PPP1R12A: variants seen among roughly 807,000 people sequenced by gnomAD.
The protein encoded by PPP1R12A is protein phosphatase 1 regulatory subunit 12A.
A neutral mutation model predicts 139.6 loss-of-function variants in PPP1R12A; 19 were observed. The observed-to-expected ratio is 0.14, with a 90% CI of 0.09 to 0.20. The LOEUF is 0.20. Ranked by LOEUF, PPP1R12A falls within the 10% of genes least tolerant of loss-of-function variation. The probability of loss-of-function intolerance (pLI) is 1.00; values close to 1 mark genes in which losing one functional copy is unlikely to be tolerated. For missense variants in PPP1R12A, 925 were observed against 1,211.5 expected, an observed-to-expected ratio of 0.76 and a Z score of 3.51; for synonymous variants, 427 against 420.6, an observed-to-expected ratio of 1.02 and a Z score of -0.19.
At chr12:79,835,952 A>T (rs1183445750) in intron 3 of PPP1R12A, among the ~76,000 whole-genome samples, 1 of 152,172 alleles carries the variant, frequency 6.6e-6, no homozygotes, top group Non-Finnish European at 1.5e-5. Flanking sequence ...ACTGCTCATT[A>T]CTCAACTGAA....
intron 1 of PPP1R12A, among the ~76,000 whole-genome samples, chr12:79,924,743 T>C (rs1281633064): frequency 6.6e-6 from 1 of 152,182 alleles, no homozygotes; most frequent in African/African-American, 2.4e-5. Flanking sequence ...CGAAATCTTT[T>C]GCAGAAAACA....
At chr12:79,805,519 CT>C in intron 14 of PPP1R12A, 72 bp downstream of exon 14, 2 of 1,426,252 alleles carry the variant, frequency 1.4e-6, no homozygotes, top group South Asian at 1.4e-5. Context: ...CTCACAAGAT[CT>C]TTTTTAAAAC....
rs959801288 is a variant in PPP1R12A at position 79,775,906 on chromosome 12, A to C, written c.*23T>G. ...CTGGGTTACTAATATGTGCAATTCCATTACTTGCTGCTTTTTTTTTTTTTA... is the reference window on the plus strand; with the variant it reads ...CTGGGTTACTAATATGTGCAATTCCCTTACTTGCTGCTTTTTTTTTTTTTA... On this transcript the variant is annotated 3_prime_UTR_variant, in exon 25 of 25. Coordinates refer to ENST00000450142, the MANE Select transcript of PPP1R12A (RefSeq NM_002480.3). 3.3e-6 allele frequency: 5 copies of C among 1,501,380 alleles called. No homozygotes were observed. The Admixed American group carries it at 1.0e-4, about 30-fold the overall frequency. 93.0% of individuals were successfully genotyped at this position (1,501,380 alleles called of 1,614,324 possible).
At chr12:79,827,818 C>A (rs1372305179) in intron 5 of PPP1R12A, among the ~76,000 whole-genome samples, 1 of 152,096 alleles carries the variant, frequency 6.6e-6, no homozygotes, top group Non-Finnish European at 1.5e-5. Flanking sequence ...CAATGATCCC[C>A]TTTGGCATAA....
At chr12:79,858,502 G>C (rs963159083) in intron 2 of PPP1R12A, among the ~76,000 whole-genome samples, 3 of 152,194 alleles carry the variant, frequency 2.0e-5, no homozygotes, top group Admixed American at 2.0e-4. Context: ...TGGAGGCTTA[G>C]GGAAGCTGGT....
At chr12:79,921,091 T>C (rs1887400013) in intron 1 of PPP1R12A, among the ~76,000 whole-genome samples, 1 of 152,212 alleles carries the variant, frequency 6.6e-6, no homozygotes, top group South Asian at 2.1e-4. Flanking sequence ...AAAATGTGTC[T>C]TCTCAGCACT....
chr12:79,776,371 CAA>C (rs1869726480), intron 24 of PPP1R12A, among the ~76,000 whole-genome samples: 2 of 152,030 alleles, frequency 1.3e-5, no homozygotes, highest in Non-Finnish European at 2.9e-5. Flanking sequence ...GCACCTAAAC[CAA>C]AGACTTTTGC....
chr12:79,851,227 C>T (rs957855337), intron 2 of PPP1R12A, among the ~76,000 whole-genome samples: 2 of 152,106 alleles, frequency 1.3e-5, no homozygotes, highest in South Asian at 2.1e-4. Context: ...GAACATTACA[C>T]TATTCAGAAA....
chr12:79,804,249 T>G (rs1000624756), intron 14 of PPP1R12A, among the ~76,000 whole-genome samples: 1 of 152,046 alleles, frequency 6.6e-6, no homozygotes, highest in African/African-American at 2.4e-5. Flanking sequence ...GGATACTAAT[T>G]TCTGTTGGCT....
At chr12:79,896,630 T>C (rs950956531) in intron 1 of PPP1R12A, among the ~76,000 whole-genome samples, 1 of 152,176 alleles carries the variant, frequency 6.6e-6, no homozygotes, top group African/African-American at 2.4e-5. Flanking sequence ...CTGAGGCCAG[T>C]GCAAAATATA....
At chr12:79,860,901 G>A (rs1881240051) in intron 2 of PPP1R12A, among the ~76,000 whole-genome samples, 2 of 152,104 alleles carry the variant, frequency 1.3e-5, no homozygotes, top group African/African-American at 4.8e-5. Flanking sequence ...TCAGTGTAAC[G>A]TATGTGTAAT....
intron 1 of PPP1R12A, among the ~76,000 whole-genome samples, chr12:79,927,892 A>C (rs1887965061): frequency 6.6e-6 from 1 of 152,168 alleles, no homozygotes; most frequent in South Asian, 2.1e-4. Context: ...CATCTTCTCA[A>C]CCTTATTGTG....
chr12:79,911,602 GTTTTT>G (rs373594794), intron 1 of PPP1R12A, among the ~76,000 whole-genome samples: 1 of 150,776 alleles, frequency 6.6e-6, no homozygotes, highest in African/African-American at 2.4e-5. Context: ...GAAATAAAAG[GTTTTT>G]TTTTAAGACT....
At chr12:79,807,039 G>A in intron 12 of PPP1R12A, 187 bp downstream of exon 12, 6 of 411,470 alleles carry the variant, frequency 1.5e-5, no homozygotes, top group South Asian at 3.8e-5. Context: ...TATATAATAG[G>A]CATAACAAAT....
intron 1 of PPP1R12A, 34 bp from the exon 2 acceptor site, chr12:79,872,972 A>G (rs775620825): frequency 1.9e-6 from 3 of 1,590,956 alleles, no homozygotes; most frequent in Non-Finnish European, 2.6e-6. Context: ...ATTGGAAAAA[A>G]TACGAATTAA....
intron 14 of PPP1R12A, 72 bp downstream of exon 14, chr12:79,805,520 T>C (rs1211965924): frequency 6.2e-6 from 9 of 1,444,326 alleles, no homozygotes; most frequent in African/African-American, 1.4e-5. Context: ...TCACAAGATC[T>C]TTTTTAAAAC....
intron 2 of PPP1R12A, among the ~76,000 whole-genome samples, chr12:79,854,351 T>C (rs1880385596): frequency 1.3e-5 from 2 of 152,230 alleles, no homozygotes; most frequent in Non-Finnish European, 1.5e-5. Flanking sequence ...ATGTGCATTA[T>C]AAATATATCC....
At chr12:79,777,766 A>G (rs898094499) in intron 24 of PPP1R12A, 1 of 521,314 alleles carries the variant, frequency 1.9e-6, no homozygotes, top group African/African-American at 2.1e-5. Context: ...TAAAGGAACA[A>G]GAGATTCAGA....
chr12:79,906,267 A>T (rs1160430531), intron 1 of PPP1R12A, among the ~76,000 whole-genome samples: 2 of 152,170 alleles, frequency 1.3e-5, no homozygotes, highest in Non-Finnish European at 1.5e-5. Context: ...AAGTGGGATT[A>T]AAAAAACTGT....
Sources: gnomAD v4.1 joint callset for allele counts (sites outside exome capture counted in the v4.1 genomes callset) on GRCh38, gnomAD v4.1.1 for gene constraint, MANE v1.5 for transcripts, NCBI Gene and HGNC (gene_info 2026-07-23, HGNC 2026-07-21) for gene names.